Variants in MACF1 observed in about 807,000 individuals in gnomAD.
The protein encoded by MACF1 is microtubule actin crosslinking factor 1, also known as microtubule-actin cross-linking factor 1.
MACF1 carries 193 observed loss-of-function variants against 854.8 expected under a neutral mutation model. That is an observed-to-expected ratio of 0.23 (90% confidence interval 0.20 to 0.25). The LOEUF (loss-of-function observed/expected upper bound fraction) is 0.25, where lower values mean the gene tolerates loss of function less well. Ranked by LOEUF, MACF1 falls within the 10% of genes least tolerant of loss-of-function variation. The pLI, the probability that MACF1 is intolerant of heterozygous loss-of-function variation, is 1.00. For synonymous variants in MACF1, 3,185 were observed against 3,226.7 expected (o/e 0.99, Z 0.44); for missense variants, 7,722 against 8,929.1 (o/e 0.86, Z 5.45).
At chr1:39,212,999 G>A (rs1299817775) in intron 1 of MACF1, among the ~76,000 whole-genome samples, 1 of 152,202 alleles carries the variant, frequency 6.6e-6, no homozygotes, top group Non-Finnish European at 1.5e-5. Flanking sequence ...CTATGCCTTT[G>A]TTTGTTTATT....
At chr1:39,396,840 T>C (rs192188214) in intron 58 of MACF1, among the ~76,000 whole-genome samples, 25 of 152,324 alleles carry the variant, frequency 1.6e-4, no homozygotes, top group Admixed American at 2.6e-4. Context: ...GAATGGATTC[T>C]TCACAAGTCT....
rs375611872 is a variant in MACF1, at chr1:39,458,564, CA to C, written c.21196+82del. 6.9e-5 allele frequency: 102 copies of C among 1,483,926 alleles called. 2 individuals carry two copies. The highest frequency in any genetic ancestry group is 1.9e-4 in the South Asian group (13 of 70,148). The allele number at this position is 1,483,926 out of a possible 1,614,324, so 91.9% of individuals were successfully genotyped here. ...GGATGAGCACTTTCCAAATGCCTAT[CA>C]AAAAAAATTATATTCCATTTTCAAA... On this transcript the variant is annotated intron_variant, in intron 90 of 100. Transcript: ENST00000564288.
chr1:39,205,665 G>A (rs1471476714), intron 1 of MACF1, among the ~76,000 whole-genome samples: 1 of 152,096 alleles, frequency 6.6e-6, no homozygotes, highest in African/African-American at 2.4e-5. Flanking sequence ...GGAACACTGG[G>A]TGTCTGTGTT....
intron 51 of MACF1, among the ~76,000 whole-genome samples, chr1:39,370,952 CTG>C (rs1649176703): frequency 6.6e-6 from 1 of 152,126 alleles, no homozygotes; most frequent in Admixed American, 6.6e-5. Context: ...ACAGATGTCA[CTG>C]TATTTTCCTC....
intron 2 of MACF1, among the ~76,000 whole-genome samples, chr1:39,168,944 A>G (rs6701936): frequency 1.0e-3 from 159 of 152,192 alleles, no homozygotes; most frequent in African/African-American, 3.8e-3. Context: ...CAGTATTTTC[A>G]AACCAAGCTT....
intron 1 of MACF1, among the ~76,000 whole-genome samples, chr1:39,217,240 C>CTTATTTTATTT (rs1161102990): frequency 7.4e-6 from 1 of 135,814 alleles, no homozygotes; most frequent in Non-Finnish European, 1.6e-5. Context: ...GATTTAGGGT[C>CTTATTTTATTT]TATTTTATTT....
intron 1 of MACF1, among the ~76,000 whole-genome samples, chr1:39,207,597 T>C (rs1644466179): frequency 6.6e-6 from 1 of 152,094 alleles, no homozygotes; most frequent in Non-Finnish European, 1.5e-5. Context: ...GTTCATAGTT[T>C]TAAACACTGA....
rs769572537 is a variant in MACF1, at chr1:39,430,822, G to A, written c.17251G>A (p.Asp5751Asn). The change falls in exon 66 of 101, where the codon GAT becomes AAT. Residue 5751 changes from aspartate (D) to asparagine (N), a missense_variant. This residue lies in a region of MACF1 where 2,807 missense variants were observed against 3,235.8 expected (regional missense o/e 0.87). Coordinates refer to ENST00000564288, the MANE Select transcript of MACF1 (RefSeq NM_001394062.1). ...AGAAGGGCTGGATAAACTTGTGTCC[G>A]ATGCTAACGAGCAGTACAAACTAGT... ...AREGLDKLVS[D>N]ANEQYKLVSD... 27 of 1,612,604 alleles carry A rather than the reference G, an allele frequency of 1.7e-5. No homozygotes were observed. The highest frequency in any genetic ancestry group is 3.3e-5 in the Admixed American group (2 of 60,000).
intron 2 of MACF1, among the ~76,000 whole-genome samples, chr1:39,140,957 T>C (rs1643331621): frequency 6.7e-6 from 1 of 149,594 alleles, no homozygotes; most frequent in East Asian, 1.9e-4. Flanking sequence ...CCAGTCACTG[T>C]TATAAATGCT....
At chr1:39,477,080 TATATATATATACAC>T (rs1240323230) in intron 97 of MACF1, among the ~76,000 whole-genome samples, 274 of 13,724 alleles carry the variant, frequency 0.02, 14 homozygotes, top group African/African-American at 0.052. Flanking sequence ...TATATATATA[TATATATATATACAC>T]ACACACACAT....
intron 84 of MACF1, among the ~76,000 whole-genome samples, chr1:39,449,697 AT>A (rs4012670): frequency 0.14 from 18,308 of 129,642 alleles, 1,358 homozygotes; most frequent in East Asian, 0.18. Context: ...CGCGCCTGGC[AT>A]TTTTTTTTTT....
chr1:39,356,763 A>G (rs1647616772), intron 44 of MACF1, among the ~76,000 whole-genome samples: 1 of 152,240 alleles, frequency 6.6e-6, no homozygotes, highest in African/African-American at 2.4e-5. Context: ...TGTACAGTTT[A>G]GCGAAGAGAG....
At position 39,428,231 on chromosome 1, in the gene MACF1, G is replaced by C. The variant is rs775305393; in HGVS notation, c.16747G>C (p.Val5583Leu). Residue 5583 changes from valine to leucine, a missense_variant, in exon 63 of 101, where the codon GTG (valine) becomes CTG (leucine). Physicochemically the swap from Val to Leu is conservative, Grantham distance 32. This residue lies in a region of MACF1 where 2,807 missense variants were observed against 3,235.8 expected (regional missense o/e 0.87). Transcript: ENST00000564288. ...LAEVEDKLSSVFVKDFKQDVL... is the reference protein window; with the variant it reads ...LAEVEDKLSSLFVKDFKQDVL... Reference sequence around the variant, plus strand: ...TGAGGTTGAGGACAAGCTCAGTTCAGTGTTCGTAAAGGATTTCAAACAGGA... The same window carrying C: ...TGAGGTTGAGGACAAGCTCAGTTCACTGTTCGTAAAGGATTTCAAACAGGA... The C allele has an allele frequency of 1.9e-6, 3 of 1,614,060 alleles. No individual in the cohort carries two copies. The highest frequency in any genetic ancestry group is 2.5e-6 in the Non-Finnish European group (3 of 1,179,978).
At chr1:39,329,733 A>G in intron 36 of MACF1, among the ~76,000 whole-genome samples, 1 of 152,362 alleles carries the variant, frequency 6.6e-6, no homozygotes, top group South Asian at 2.1e-4. Context: ...TTAAACACTT[A>G]AATAATTTAA....
intron 2 of MACF1, among the ~76,000 whole-genome samples, chr1:39,093,625 A>G (rs1641865538): frequency 6.6e-6 from 1 of 150,458 alleles, no homozygotes; most frequent in Admixed American, 6.7e-5. Context: ...AGCTGGGACT[A>G]CACGCACACG....
In MACF1 at chr1:39,479,999, G is replaced by C. The variant is rs759316958; in HGVS notation, c.22160G>C (p.Ser7387Thr). ...CCATCTTCTCCAGCCACCCCAGCCA[G>C]TGGAACCAAGGTATGTACTGATCTC... ...SMPSSPATPA[S>T]GTKTSLQFSR... is the part of the protein sequence containing the mutation. Residue 7387 changes from serine to threonine, a missense_variant, in exon 98 of 101, where the codon AGT (serine) becomes ACT (threonine). Ser to Thr is a moderately conservative substitution (Grantham distance 58). This residue lies in a region of MACF1 where 185 missense variants were observed against 225.7 expected (regional missense o/e 0.82). Transcript: ENST00000564288. 7.6e-6 allele frequency: 12 copies of C among 1,575,948 alleles called. No individual in the cohort carries two copies. The Admixed American group carries it at 2.1e-4, about 28-fold the overall frequency.
chr1:39,406,756 A>AAAAAAAAAAACAC (rs746955922), intron 58 of MACF1, among the ~76,000 whole-genome samples: 1 of 116,058 alleles, frequency 8.6e-6, no homozygotes, highest in African/African-American at 3.8e-5. Flanking sequence ...AAAAAAAAAA[A>AAAAAAAAAAACAC]AACATTCTTT....
At chr1:39,376,889 T>A (rs138207712) in intron 52 of MACF1, among the ~76,000 whole-genome samples, 129 of 152,048 alleles carry the variant, frequency 8.5e-4, no homozygotes, top group African/African-American at 2.9e-3. Flanking sequence ...CTAATTTTTT[T>A]TTTTTTTAAT....
intron 58 of MACF1, among the ~76,000 whole-genome samples, chr1:39,418,688 C>T (rs1643420403): frequency 6.6e-6 from 1 of 152,142 alleles, no homozygotes; most frequent in South Asian, 2.1e-4. Context: ...CATGGTGAAA[C>T]CCTGTCTCTA....
Sources: gnomAD v4.1 joint callset for allele counts (sites outside exome capture counted in the v4.1 genomes callset) on GRCh38, gnomAD v4.1.1 for gene constraint, gnomAD v4.1.1 regional missense constraint, MANE v1.5 for transcripts, NCBI Gene and HGNC (gene_info 2026-07-23, HGNC 2026-07-21) for gene names.